MAGI2: variants seen among roughly 807,000 people sequenced by gnomAD.
The protein encoded by MAGI2 is membrane-associated guanylate kinase, WW and PDZ domain-containing protein 2.
A neutral mutation model predicts 133.3 loss-of-function variants in MAGI2; 35 were observed. That is an observed-to-expected ratio of 0.26 (90% CI 0.20 to 0.35). The LOEUF (loss-of-function observed/expected upper bound fraction) is 0.35. Among genes scored for constraint, MAGI2 ranks in the 10% least tolerant of loss-of-function variants. The probability of loss-of-function intolerance (pLI) is 1.00; values close to 1 mark genes in which losing one functional copy is unlikely to be tolerated. For missense variants in MAGI2, 1,636 were observed against 1,863.4 expected (o/e 0.88, Z 2.25); for synonymous variants, 729 against 710.6 (o/e 1.03, Z -0.41).
In MAGI2 at chr7:79,210,073, A is replaced by G. The variant is rs770668267; in HGVS notation, c.302-202867T>C. On this transcript the variant is annotated intron_variant, in intron 1 of 21. Transcript: ENST00000354212. ...AGCTAGCTTTCATATTTTGCATTCA[A>G]ATCTAATTTATATATCTTTCTCTTT... Among the ~76,000 whole-genome samples, 4 of 152,066 alleles carry G rather than the reference A, an allele frequency of 2.6e-5. No individual in the cohort carries two copies. The South Asian group carries it at 6.2e-4, about 24-fold the overall frequency.
At chr7:79,238,181 T>C (rs758255534) in intron 1 of MAGI2, among the ~76,000 whole-genome samples, 1 of 152,196 alleles carries the variant, frequency 6.6e-6, no homozygotes, top group Non-Finnish European at 1.5e-5. Flanking sequence ...TTTCCTTTCA[T>C]TTCCTTTAAA....
chr7:78,799,550 C>A (rs1375732256), intron 2 of MAGI2, among the ~76,000 whole-genome samples: 1 of 152,088 alleles, frequency 6.6e-6, no homozygotes, highest in Non-Finnish European at 1.5e-5. Context: ...TCCATGTGGC[C>A]AAGGATATAG....
intron 1 of MAGI2, among the ~76,000 whole-genome samples, chr7:79,146,483 T>A (rs1312373456): frequency 6.6e-6 from 1 of 152,234 alleles, no homozygotes; most frequent in Non-Finnish European, 1.5e-5. Flanking sequence ...TGTGATTTTG[T>A]TGTGTCCCCA....
chr7:78,502,962 T>C (rs1794751916), intron 4 of MAGI2, among the ~76,000 whole-genome samples: 1 of 152,190 alleles, frequency 6.6e-6, no homozygotes, highest in African/African-American at 2.4e-5. Context: ...TAAGGAAACA[T>C]GCAGACACCT....
chr7:78,292,366 C>T (rs1354557581), intron 9 of MAGI2, among the ~76,000 whole-genome samples: 1 of 152,106 alleles, frequency 6.6e-6, no homozygotes. Flanking sequence ...CCTAGGAATC[C>T]AACTTACAAG....
At chr7:78,619,675 A>G (rs901002708) in intron 3 of MAGI2, among the ~76,000 whole-genome samples, 2 of 152,012 alleles carry the variant, frequency 1.3e-5, no homozygotes, top group Non-Finnish European at 2.9e-5. Context: ...ACTTCATTAT[A>G]GAAGACAATG....
intron 2 of MAGI2, among the ~76,000 whole-genome samples, chr7:78,723,207 CTG>C (rs1820431551): frequency 6.6e-6 from 1 of 152,100 alleles, no homozygotes; most frequent in African/African-American, 2.4e-5. Context: ...AAAATGTAAA[CTG>C]TTATTTTCTT....
intron 20 of MAGI2, among the ~76,000 whole-genome samples, chr7:78,113,113 T>G (rs1370364935): frequency 6.7e-6 from 1 of 149,424 alleles, no homozygotes; most frequent in Non-Finnish European, 1.5e-5. Context: ...ATGGAGGAGC[T>G]GTGTGAGATG....
At chr7:78,338,363 T>C (rs145396659) in intron 9 of MAGI2, among the ~76,000 whole-genome samples, 3 of 152,310 alleles carry the variant, frequency 2.0e-5, no homozygotes, top group African/African-American at 7.2e-5. Context: ...CTGTTCGTCA[T>C]CCAAAACTCT....
At chr7:78,165,979 G>C (rs1435806398) in intron 15 of MAGI2, among the ~76,000 whole-genome samples, 1 of 152,218 alleles carries the variant, frequency 6.6e-6, no homozygotes, top group African/African-American at 2.4e-5. Flanking sequence ...TTTCAAGGAA[G>C]AGTGGGCTGA....
intron 16 of MAGI2, among the ~76,000 whole-genome samples, chr7:78,154,005 T>C (rs549435649): frequency 2.0e-4 from 30 of 152,340 alleles, no homozygotes; most frequent in Middle Eastern, 3.4e-3. Flanking sequence ...GTGCCTCCTC[T>C]AATTTCAATG....
intron 2 of MAGI2, among the ~76,000 whole-genome samples, chr7:78,782,856 A>G (rs1826505377): frequency 6.6e-6 from 1 of 152,112 alleles, no homozygotes; most frequent in Non-Finnish European, 1.5e-5. Context: ...CATATACTTC[A>G]GTGCTTCTAA....
At chr7:78,832,580 GTTAT>G (rs1486347143) in intron 2 of MAGI2, among the ~76,000 whole-genome samples, 1 of 152,190 alleles carries the variant, frequency 6.6e-6, no homozygotes, top group Non-Finnish European at 1.5e-5. Flanking sequence ...ATGAATGCCA[GTTAT>G]AAGCTTCGGC....
chr7:78,207,940 G>A (rs1316659077), intron 10 of MAGI2, among the ~76,000 whole-genome samples: 1 of 151,922 alleles, frequency 6.6e-6, no homozygotes, highest in East Asian at 1.9e-4. Flanking sequence ...GCCTGATCTC[G>A]GCTCACTGTA....
At chr7:79,057,747 C>T (rs995985360) in intron 1 of MAGI2, among the ~76,000 whole-genome samples, 1 of 152,076 alleles carries the variant, frequency 6.6e-6, no homozygotes, top group African/African-American at 2.4e-5. Context: ...TACCTGGCCT[C>T]ATGTGTAATT....
chr7:79,309,180 T>G (rs560884066), intron 1 of MAGI2, among the ~76,000 whole-genome samples: 2 of 151,972 alleles, frequency 1.3e-5, no homozygotes, highest in Non-Finnish European at 1.5e-5. Flanking sequence ...TTCTAATGCA[T>G]TTCTCTTTTA....
At chr7:79,364,447 G>T (rs1478904914) in intron 1 of MAGI2, among the ~76,000 whole-genome samples, 2 of 151,930 alleles carry the variant, frequency 1.3e-5, no homozygotes, top group Admixed American at 6.6e-5. Context: ...ACACAATGTT[G>T]TACACTATAC....
At chr7:79,176,179 T>A (rs187614926) in intron 1 of MAGI2, among the ~76,000 whole-genome samples, 38 of 152,136 alleles carry the variant, frequency 2.5e-4, no homozygotes, top group African/African-American at 9.2e-4. Context: ...GTGGACATCA[T>A]GATGCCCACT....
At chr7:78,989,385 T>A (rs1264114535) in intron 2 of MAGI2, among the ~76,000 whole-genome samples, 1 of 152,064 alleles carries the variant, frequency 6.6e-6, no homozygotes, top group Non-Finnish European at 1.5e-5. Context: ...CTGATTTACT[T>A]GGCTGCTGCT....
Sources: allele counts gnomAD v4.1 joint callset (sites outside exome capture counted in the v4.1 genomes callset), GRCh38; gene constraint gnomAD v4.1.1; transcripts MANE v1.5; gene names NCBI Gene and HGNC (gene_info 2026-07-23, HGNC 2026-07-21).